The following DDX6 variants were observed in gnomAD, a reference collection of about 807,000 sequenced individuals.
DDX6 encodes probable ATP-dependent RNA helicase DDX6.
In DDX6, 7 loss-of-function variants were observed where a neutral mutation model predicts 60.6. That is an observed-to-expected ratio of 0.12 (90% CI 0.07 to 0.22). The LOEUF (loss-of-function observed/expected upper bound fraction) is 0.22. Among genes scored for constraint, DDX6 ranks in the 10% least tolerant of loss-of-function variants. The probability of loss-of-function intolerance (pLI) is 1.00; values close to 1 mark genes in which losing one functional copy is unlikely to be tolerated. For missense variants in DDX6, 270 were observed against 589.9 expected, an observed-to-expected ratio of 0.46 and a Z score of 5.62; for synonymous variants, 207 against 201.0, an observed-to-expected ratio of 1.03 and a Z score of -0.25.
At chr11:118,756,199 G>T in intron 11 of DDX6, 61 bp downstream of exon 11, 1 of 1,401,790 alleles carries the variant, frequency 7.1e-7, no homozygotes. Flanking sequence ...AATATGAACA[G>T]AGAAAGCAAA....
chr11:118,781,040 T>A, intron 3 of DDX6, 81 bp downstream of exon 3: 1 of 938,228 alleles, frequency 1.1e-6, no homozygotes, highest in South Asian at 1.4e-5. Context: ...TGAAACCAAT[T>A]CCCTCCAGAT....
chr11:118,770,323 T>C (rs577851242), intron 4 of DDX6, among the ~76,000 whole-genome samples: 7 of 152,260 alleles, frequency 4.6e-5, no homozygotes, highest in African/African-American at 1.7e-4. Context: ...CCACTGTGTC[T>C]GGCCTGAATT....
chr11:118,778,136 A>G (rs868953398), intron 4 of DDX6, among the ~76,000 whole-genome samples: 1 of 152,098 alleles, frequency 6.6e-6, no homozygotes, highest in Non-Finnish European at 1.5e-5. Context: ...ATACAGAGGG[A>G]GTGCTAGAAT....
At chr11:118,777,897 GAAA>G (rs374046858) in intron 4 of DDX6, among the ~76,000 whole-genome samples, 1 of 99,650 alleles carries the variant, frequency 1.0e-5, no homozygotes, top group Non-Finnish European at 1.9e-5. Context: ...TCAAAAAAGA[GAAA>G]AAAAAAAAAA....
rs1368459953 is a variant in DDX6, at chr11:118,755,521, A to AC, written c.1175-19_1175-18insG. ...AAACAGATCTTAAAAAAAAAAAGATAATTTTCATTTTTTCAATTTAGAAAT... is the reference window on the plus strand; with the variant it reads ...AAACAGATCTTAAAAAAAAAAAGATACATTTTCATTTTTTCAATTTAGAAAT... On this transcript the variant is annotated intron_variant, in intron 11 of 13. Coordinates refer to ENST00000534980, the MANE Select transcript of DDX6 (RefSeq NM_004397.6). 2.1e-6 allele frequency: 3 copies of AC among 1,404,756 alleles called. No homozygotes were observed. In the African/African-American group the frequency reaches 4.3e-5, roughly 20 times the overall value. The allele number at this position is 1,404,756 out of a possible 1,614,324, so 87.0% of individuals were successfully genotyped here.
rs782048655 is a variant in DDX6, at chr11:118,765,192, T to C, written c.646+17A>G. 103 of 1,611,610 alleles carry C rather than the reference T, an allele frequency of 6.4e-5. No individual in the cohort carries two copies. The highest frequency in any genetic ancestry group is 8.6e-5 in the Non-Finnish European group (101 of 1,179,640). On this transcript the variant is annotated intron_variant, in intron 6 of 13. Coordinates refer to ENST00000534980, the MANE Select transcript of DDX6 (RefSeq NM_004397.6). ...AATAACAGAGAGCTACACTACCTTT[T>C]AGTAATCATTTCTTACCTGTATCAT...
At chr11:118,761,739 C>T (rs1288192851) in intron 7 of DDX6, among the ~76,000 whole-genome samples, 1 of 151,960 alleles carries the variant, frequency 6.6e-6, no homozygotes, top group Non-Finnish European at 1.5e-5. Context: ...CTATGAATGC[C>T]TATCTATTGC....
At chr11:118,759,563 T>C (rs1387103739) in intron 8 of DDX6, among the ~76,000 whole-genome samples, 1 of 152,242 alleles carries the variant, frequency 6.6e-6, no homozygotes, top group Non-Finnish European at 1.5e-5. Context: ...TAGCATCATG[T>C]TCGTGGCTCA....
At chr11:118,776,925 T>C (rs1399879812) in intron 4 of DDX6, among the ~76,000 whole-genome samples, 1 of 151,898 alleles carries the variant, frequency 6.6e-6, no homozygotes, top group Non-Finnish European at 1.5e-5. Context: ...GTATTTCTAA[T>C]ACCTACACCC....
At chr11:118,791,279 GCCGCGGCT>G (rs1472833340), upstream of DDX6, 29 of 152,196 alleles carry the variant, frequency 1.9e-4, no homozygotes, top group African/African-American at 6.5e-4. Context: ...AACCTCGGCC[GCCGCGGCT>G]ATATTCGCCG....
intron 2 of DDX6, among the ~76,000 whole-genome samples, chr11:118,785,441 G>C (rs577120295): frequency 1.3e-5 from 2 of 151,800 alleles, no homozygotes; most frequent in African/African-American, 4.8e-5. Context: ...CTGGACTCAA[G>C]TGATCCTCCC....
At chr11:118,773,340 T>A (rs1293126065) in intron 4 of DDX6, among the ~76,000 whole-genome samples, 2 of 151,704 alleles carry the variant, frequency 1.3e-5, no homozygotes, top group Admixed American at 6.6e-5. Context: ...GAGGCCGAGG[T>A]GGGCAGACCA....
rs782756667 is a variant in DDX6, at chr11:118,750,313, G to C, written c.*1792C>G. The C allele has an allele frequency of 3.3e-5, 5 of 151,966 alleles. No individual in the cohort carries two copies. The highest frequency in any genetic ancestry group is 3.3e-4 in the Admixed American group (5 of 15,218). 9.4% of individuals were successfully genotyped at this position (151,966 alleles called of 1,614,324 possible). ...ATTCATCTCACTCCTTTTGCCTGGA[G>C]ATCAGGCCAAACATCAAGCATGTTG... is the stretch of plus-strand genomic sequence containing the variant. On this transcript the variant is annotated 3_prime_UTR_variant, in exon 14 of 14. Transcript: ENST00000534980.
At chr11:118,758,742 A>ATT (rs782376012) in intron 9 of DDX6, 32 bp downstream of exon 9, 10 of 1,610,950 alleles carry the variant, frequency 6.2e-6, no homozygotes, top group African/African-American at 4.0e-5. Flanking sequence ...GACTCGAGAG[A>ATT]TAATATTCAA....
intron 5 of DDX6, among the ~76,000 whole-genome samples, chr11:118,766,644 G>A (rs1247130474): frequency 2.0e-5 from 3 of 152,034 alleles, no homozygotes; most frequent in Non-Finnish European, 4.4e-5. Flanking sequence ...CCAGGCTGAA[G>A]TGCAGTGGCT....
chr11:118,783,118 T>A (rs1029557268), intron 2 of DDX6, among the ~76,000 whole-genome samples: 1 of 151,960 alleles, frequency 6.6e-6, no homozygotes, highest in Non-Finnish European at 1.5e-5. Context: ...AGGTTAAGTA[T>A]TAGAAGTGTT....
intron 4 of DDX6, among the ~76,000 whole-genome samples, chr11:118,772,719 T>C (rs1861574792): frequency 6.6e-6 from 1 of 152,182 alleles, no homozygotes; most frequent in African/African-American, 2.4e-5. Context: ...ATCTGCCACC[T>C]TAGGTCTCCA....
chr11:118,760,017 C>A lies in DDX6; in HGVS notation c.769G>T (p.Val257Leu). The change falls in exon 8 of 14, where the codon GTG becomes TTG. Residue 257 changes from valine (V) to leucine (L), a missense_variant. By Grantham distance (32) the Val-to-Leu change is conservative. Coordinates refer to ENST00000534980, the MANE Select transcript of DDX6 (RefSeq NM_004397.6). ...AGAATAATATCCTCCATTATCTGCA[C>A]AAAATCCTGTGACAGCAACTTATCT... ...EADKLLSQDF[V>L]QIMEDIILTL... 1 of 1,612,106 alleles carries A rather than the reference C, an allele frequency of 6.2e-7. No homozygotes were observed. The highest frequency in any genetic ancestry group is 8.5e-7 in the Non-Finnish European group (1 of 1,179,402).
At chr11:118,752,559 G>A (rs1860811931) in intron 13 of DDX6, among the ~76,000 whole-genome samples, 1 of 151,842 alleles carries the variant, frequency 6.6e-6, no homozygotes. Context: ...GATCACCTGA[G>A]GTCAGGAGTT....
Sources: allele counts gnomAD v4.1 joint callset (sites outside exome capture counted in the v4.1 genomes callset), GRCh38; gene constraint gnomAD v4.1.1; transcripts MANE v1.5; gene names NCBI Gene and HGNC (gene_info 2026-07-23, HGNC 2026-07-21).